The following IGSF3 variants were observed in gnomAD, a reference collection of about 807,000 sequenced individuals.
The protein encoded by IGSF3 is immunoglobulin superfamily member 3.
In IGSF3, 23 loss-of-function variants were observed where a neutral mutation model predicts 114.4. The observed-to-expected ratio is 0.20, with a 90% confidence interval of 0.14 to 0.28. The LOEUF is 0.28. IGSF3 is among the 10% of genes least tolerant of loss of function. IGSF3 has a pLI of 1.00. For missense variants in IGSF3, 1,172 were observed against 1,591.5 expected, an observed-to-expected ratio of 0.74 and a Z score of 4.48; for synonymous variants, 571 against 645.2, an observed-to-expected ratio of 0.88 and a Z score of 1.74.
chr1:116,592,366 C>T lies in IGSF3; in HGVS notation c.2030-3262G>A, dbSNP rs1373831120. 1.3e-5 allele frequency among the ~76,000 whole-genome samples: 2 copies of T among 152,170 alleles called. No homozygotes were observed. The highest frequency in any genetic ancestry group is 2.1e-4 in the South Asian group (1 of 4,826). ...TCCAGCAAGAGACAGGAAGAGGGTCCGAGAGTTGCTCCAGCTCACGCCAGC... is the reference window on the plus strand; with the variant it reads ...TCCAGCAAGAGACAGGAAGAGGGTCTGAGAGTTGCTCCAGCTCACGCCAGC... On this transcript the variant is annotated intron_variant, in intron 7 of 10. Transcript: ENST00000369486. The surrounding 1 kb of genome is among the most constrained non-coding windows in gnomAD (Gnocchi z 4.5).
rs1647338423 is a variant in IGSF3 at position 116,627,374 on chromosome 1, C to T, written c.44-10917G>A. Among the ~76,000 whole-genome samples, 1 of 152,188 alleles carries T rather than the reference C, an allele frequency of 6.6e-6. No individual in the cohort carries two copies. Among genetic ancestry groups the T allele is most frequent in the Non-Finnish European group, 1.5e-5 (1 of 68,028 alleles). ...ACTCTCAGTCTGGTCCCCAGATTTT[C>T]AGTCTGGGAGAAAGGTGTCTGCTGG... is the stretch of plus-strand genomic sequence containing the variant. On this transcript the variant is annotated intron_variant, in intron 2 of 10. Transcript: ENST00000369486. The surrounding 1 kb of genome is among the most constrained non-coding windows in gnomAD (Gnocchi z 4.7).
At position 116,605,289 on chromosome 1, in the gene IGSF3, TCTTTTCTCTC is replaced by T. The variant is rs1346903512; in HGVS notation, c.1223-1274_1223-1265del. Among the ~76,000 whole-genome samples the T allele has an allele frequency of 6.6e-6, 1 of 151,946 alleles. No individual in the cohort carries two copies. The highest frequency in any genetic ancestry group is 2.4e-5 in the African/African-American group (1 of 41,362). Reference sequence around the variant, plus strand: ...CACATAACAATGCATTTGAATCAAATCTTTTCTCTCCTTTATTTCCCCAACAAGCAGAAAC... The same window carrying T: ...CACATAACAATGCATTTGAATCAAATCTTTATTTCCCCAACAAGCAGAAAC... On this transcript the variant is annotated intron_variant, in intron 5 of 10. Transcript: ENST00000369486. The surrounding 1 kb of genome is among the most constrained non-coding windows in gnomAD (Gnocchi z 5.1).
At position 116,603,089 on chromosome 1, in the gene IGSF3, A is replaced by C. The variant is rs1356900340; in HGVS notation, c.1624+535T>G. Among the ~76,000 whole-genome samples, 1 of 152,238 alleles carries C rather than the reference A, an allele frequency of 6.6e-6. No homozygotes were observed. The highest frequency in any genetic ancestry group is 2.4e-5 in the African/African-American group (1 of 41,454). On this transcript the variant is annotated intron_variant, in intron 6 of 10. Transcript: ENST00000369486. This position sits in a 1 kb window ranked among gnomAD's most constrained non-coding sequence, Gnocchi z 7.1. ...AGGTGGGGATTCAATGGGACAACTA[A>C]GCTTAAGTGTTAAGGATCAGGCAGG...
At chr1:116,617,434 G>A (rs1202129527) in intron 2 of IGSF3, 10 of 892,614 alleles carry the variant, frequency 1.1e-5, no homozygotes, top group South Asian at 1.0e-4. Flanking sequence ...TGTGAAAAGC[G>A]CAGGTGAGTT....
chr1:116,649,805 G>A lies in IGSF3; in HGVS notation c.43+16479C>T, dbSNP rs190887257. Reference sequence around the variant, plus strand: ...ATACTTTTCCGGCTGCATAAGTCACGTGTCACCATATAAACTCACAATTTG... The same window carrying A: ...ATACTTTTCCGGCTGCATAAGTCACATGTCACCATATAAACTCACAATTTG... On this transcript the variant is annotated intron_variant, in intron 2 of 10. Coordinates refer to ENST00000369486, the MANE Select transcript of IGSF3 (RefSeq NM_001007237.3). This position sits in a 1 kb window ranked among gnomAD's most constrained non-coding sequence, Gnocchi z 4.5. Among the ~76,000 whole-genome samples, 181 of 152,206 alleles carry A rather than the reference G, an allele frequency of 1.2e-3. 3 individuals carry two copies. The highest frequency in any genetic ancestry group is 4.2e-3 in the South Asian group (20 of 4,816).
rs928187552 is a variant in IGSF3, at chr1:116,634,159, A to G, written c.44-17702T>C. 6.6e-6 allele frequency among the ~76,000 whole-genome samples: 1 copy of G among 152,244 alleles called. No homozygotes were observed. Among genetic ancestry groups the G allele is most frequent in the Admixed American group, 6.5e-5 (1 of 15,290 alleles). ...GTGTACATCCTTCGGTATCCTTTTTAATTGAACACATGTGAATGTATTACC... is the reference window on the plus strand; with the variant it reads ...GTGTACATCCTTCGGTATCCTTTTTGATTGAACACATGTGAATGTATTACC... On this transcript the variant is annotated intron_variant, in intron 2 of 10. Transcript: ENST00000369486. This position sits in a 1 kb window ranked among gnomAD's most constrained non-coding sequence, Gnocchi z 4.2.
At chr1:116,581,948 G>A (rs1309557507) in intron 9 of IGSF3, among the ~76,000 whole-genome samples, 1 of 152,142 alleles carries the variant, frequency 6.6e-6, no homozygotes, top group African/African-American at 2.4e-5. Flanking sequence ...GTCAAGGGAG[G>A]TGGCCCTGGG....
chr1:116,589,298 G>A lies in IGSF3; in HGVS notation c.2030-194C>T, dbSNP rs1359649552. On this transcript the variant is annotated intron_variant, in intron 7 of 10. Transcript: ENST00000369486. The surrounding 1 kb of genome is among the most constrained non-coding windows in gnomAD (Gnocchi z 5.7). ...CTTCCCTGTCTCCTCCTTGCCATGCGCCTGGCTTAGGCCTTCACCATCTCT... is the reference window on the plus strand; with the variant it reads ...CTTCCCTGTCTCCTCCTTGCCATGCACCTGGCTTAGGCCTTCACCATCTCT... Among the ~76,000 whole-genome samples, 8 of 151,778 alleles carry A rather than the reference G, an allele frequency of 5.3e-5. No individual in the cohort carries two copies. Among genetic ancestry groups the A allele is most frequent in the Non-Finnish European group, 7.4e-5 (5 of 67,988 alleles).
At position 116,576,063 on chromosome 1, in the gene IGSF3, A is replaced by G. The variant is rs1371726228; in HGVS notation, c.*1249T>C. The G allele has an allele frequency of 6.6e-6, 1 of 152,238 alleles. No individual in the cohort carries two copies. The highest frequency in any genetic ancestry group is 1.5e-5 in the Non-Finnish European group (1 of 68,082). The allele number at this position is 152,238 out of a possible 1,614,324, so 9.4% of individuals were successfully genotyped here. Reference sequence around the variant, plus strand: ...AGAGGCAGGGAGAGAAAAATGAATAAGGAAGACATCACTATAATTAAGGAA... The same window carrying G: ...AGAGGCAGGGAGAGAAAAATGAATAGGGAAGACATCACTATAATTAAGGAA... On this transcript the variant is annotated 3_prime_UTR_variant, in exon 11 of 11. Coordinates refer to ENST00000369486, the MANE Select transcript of IGSF3 (RefSeq NM_001007237.3). The surrounding 1 kb of genome is among the most constrained non-coding windows in gnomAD (Gnocchi z 4.6).
In IGSF3 at chr1:116,584,942, T is replaced by TG; in HGVS notation, c.2550dup (p.Met851HisfsTer13). On this transcript the variant is annotated frameshift_variant, in exon 9 of 11. Coordinates refer to ENST00000369486, the MANE Select transcript of IGSF3 (RefSeq NM_001007237.3). LOFTEE classifies it high-confidence loss of function. The surrounding 1 kb of genome is among the most constrained non-coding windows in gnomAD (Gnocchi z 5.8). ...GGCTTCCATACAAACCATTCCACCATGAGCTGGGAGGTTATGCTGGTGCGG... is the reference window on the plus strand; with the variant it reads ...GGCTTCCATACAAACCATTCCACCATGGAGCTGGGAGGTTATGCTGGTGCGG... 1 of 1,612,832 alleles carries TG rather than the reference T, an allele frequency of 6.2e-7. No individual in the cohort carries two copies. The highest frequency in any genetic ancestry group is 8.5e-7 in the Non-Finnish European group (1 of 1,178,882).
At chr1:116,617,916 T>C (rs1260882338) in intron 2 of IGSF3, among the ~76,000 whole-genome samples, 3 of 152,232 alleles carry the variant, frequency 2.0e-5, no homozygotes. Flanking sequence ...CTGCAGCCCA[T>C]TCTTGTGATA....
intron 2 of IGSF3, among the ~76,000 whole-genome samples, chr1:116,631,114 C>T (rs1033333735): frequency 2.6e-5 from 4 of 151,690 alleles, no homozygotes; most frequent in Non-Finnish European, 4.4e-5. Flanking sequence ...GTCAGGAGAT[C>T]GAGACCATCC....
At chr1:116,604,797 C>T (rs1660730164) in intron 5 of IGSF3, among the ~76,000 whole-genome samples, 1 of 152,194 alleles carries the variant, frequency 6.6e-6, no homozygotes, top group African/African-American at 2.4e-5. Flanking sequence ...CTCATCTAGC[C>T]TCTGCTGCTC....
At position 116,608,225 on chromosome 1, in the gene IGSF3, G is replaced by A; in HGVS notation, c.939C>T (p.Tyr313=). 1 of 1,609,880 alleles carries A rather than the reference G, an allele frequency of 6.2e-7. No homozygotes were observed. Among genetic ancestry groups the A allele is most frequent in the Non-Finnish European group, 8.5e-7 (1 of 1,176,812 alleles). Residue 313 remains tyrosine, a synonymous_variant, in exon 5 of 11, where the codon TAC becomes TAT. Transcript: ENST00000369486. ...TGTTGAAGGCCCAGGAGACAGCAAA[G>A]TAACGGTCGGGAACATTCTGAGCCT... is the stretch of plus-strand genomic sequence containing the variant. The part of the protein sequence containing the change: ...ILEAQNVPDR[Y]FAVSWAFNSS...
In IGSF3 at chr1:116,577,684, G is replaced by C. The variant is rs944534315; in HGVS notation, c.3335-122C>G. On this transcript the variant is annotated intron_variant, in intron 10 of 10. Transcript: ENST00000369486. The surrounding 1 kb of genome is among the most constrained non-coding windows in gnomAD (Gnocchi z 5.7). ...CTCGGTGACACTCCCACACCACCTT[G>C]TCTTTCCCCTGCTACCATTAATGGT... 17 of 821,728 alleles carry C rather than the reference G, an allele frequency of 2.1e-5. No individual in the cohort carries two copies. The highest frequency in any genetic ancestry group is 3.3e-5 in the Non-Finnish European group (17 of 514,774). The allele number at this position is 821,728 out of a possible 1,614,324, so 50.9% of individuals were successfully genotyped here.
At chr1:116,631,637 A>C (rs1647597487) in intron 2 of IGSF3, among the ~76,000 whole-genome samples, 1 of 152,180 alleles carries the variant, frequency 6.6e-6, no homozygotes, top group South Asian at 2.1e-4. Context: ...AGCTGTCCAC[A>C]ATTCCCAGGT....
chr1:116,599,013 G>A (rs1199651679), intron 7 of IGSF3, among the ~76,000 whole-genome samples: 1 of 152,174 alleles, frequency 6.6e-6, no homozygotes, highest in Non-Finnish European at 1.5e-5. Context: ...CAAATTCAGG[G>A]CCCATACAAC....
chr1:116,630,524 A>G (rs1224537292), intron 2 of IGSF3, among the ~76,000 whole-genome samples: 2 of 152,204 alleles, frequency 1.3e-5, no homozygotes, highest in African/African-American at 4.8e-5. Context: ...AAAAATTGTC[A>G]GTGGGATACA....
At chr1:116,578,242 A>G (rs1376545846) in intron 10 of IGSF3, among the ~76,000 whole-genome samples, 2 of 152,224 alleles carry the variant, frequency 1.3e-5, no homozygotes, top group African/African-American at 4.8e-5. Flanking sequence ...CTGTAAAATA[A>G]GGCTGCTGGG....
Sources: allele counts gnomAD v4.1 joint callset (sites outside exome capture counted in the v4.1 genomes callset), GRCh38; gene constraint gnomAD v4.1.1; non-coding constraint Gnocchi (gnomAD v3.1); transcripts MANE v1.5; gene names NCBI Gene and HGNC (gene_info 2026-07-23, HGNC 2026-07-21).